Variants in PACRG observed in about 807,000 individuals in gnomAD.
The protein encoded by PACRG is parkin coregulated, also known as parkin coregulated gene protein.
In PACRG, 29 loss-of-function variants were observed where a neutral mutation model predicts 29.7. The observed-to-expected ratio is 0.98, with a 90% CI of 0.73 to 1.33. The LOEUF (loss-of-function observed/expected upper bound fraction) is 1.33, where lower values mean the gene tolerates loss of function less well. PACRG is among the 40% of genes most tolerant of loss of function. The pLI is 0.00. For missense variants in PACRG, 279 were observed against 316.2 expected (o/e 0.88, Z 0.89); for synonymous variants, 116 against 118.7 (o/e 0.98, Z 0.15).
intron 2 of PACRG, among the ~76,000 whole-genome samples, chr6:162,965,417 C>T (rs1470493301): frequency 6.6e-6 from 1 of 152,168 alleles, no homozygotes; most frequent in Non-Finnish European, 1.5e-5. Flanking sequence ...CGTTAAGGCA[C>T]TGTCAGATTC....
intron 1 of PACRG, among the ~76,000 whole-genome samples, chr6:162,807,416 G>T (rs1357484816): frequency 2.6e-5 from 4 of 152,104 alleles, no homozygotes; most frequent in African/African-American, 9.7e-5. Flanking sequence ...TGATTCAGAG[G>T]AAGAGATGTG....
intron 3 of PACRG, among the ~76,000 whole-genome samples, chr6:163,063,293 C>A (rs1354632301): frequency 6.6e-6 from 1 of 152,176 alleles, no homozygotes. Context: ...GCCCAACTGC[C>A]CATGGCTTCG....
intron 2 of PACRG, among the ~76,000 whole-genome samples, chr6:163,054,521 G>A (rs1308115675): frequency 6.6e-6 from 1 of 152,206 alleles, no homozygotes; most frequent in Admixed American, 6.5e-5. Context: ...CGTTCGAAGA[G>A]TCCCTAAGGA....
chr6:163,294,044 AC>A (rs869170332), intron 4 of PACRG, among the ~76,000 whole-genome samples: 5 of 152,120 alleles, frequency 3.3e-5, no homozygotes, highest in Admixed American at 2.6e-4. Context: ...TTATTTCTTT[AC>A]CCCCCAAAAA....
chr6:162,996,228 G>A (rs11963547), intron 2 of PACRG, among the ~76,000 whole-genome samples: 14,673 of 152,094 alleles, frequency 0.096, 2,017 homozygotes, highest in African/African-American at 0.3. Context: ...TCATTTCACA[G>A]TGTACACATA....
intron 4 of PACRG, among the ~76,000 whole-genome samples, chr6:163,126,223 AC>A (rs2128327191): frequency 6.6e-6 from 1 of 152,334 alleles, no homozygotes; most frequent in African/African-American, 2.4e-5. Context: ...TTTATAAGAT[AC>A]CAAAATACAA....
intron 4 of PACRG, among the ~76,000 whole-genome samples, chr6:163,161,195 C>T (rs1256894247): frequency 6.6e-6 from 1 of 152,012 alleles, no homozygotes; most frequent in Non-Finnish European, 1.5e-5. Context: ...CAAGGTCCTC[C>T]AGGATTTCAG....
chr6:163,100,196 A>G (rs971656025), intron 4 of PACRG, among the ~76,000 whole-genome samples: 1 of 152,008 alleles, frequency 6.6e-6, no homozygotes, highest in Middle Eastern at 3.4e-3. Context: ...TCCAGCCTCC[A>G]CGGCCCTGCA....
At position 163,172,076 on chromosome 6, in the gene PACRG, A is replaced by G. The variant is rs556276968; in HGVS notation, c.613+82668A>G. ...AATTACAGAACAGGCTTCCAAACAT[A>G]GAAATATCTTTCACTGTAATCCCAG... On this transcript the variant is annotated intron_variant, in intron 4 of 4. Coordinates refer to ENST00000366888, the MANE Select transcript of PACRG (RefSeq NM_001080379.2). Among the ~76,000 whole-genome samples the G allele has an allele frequency of 7.2e-5, 11 of 152,364 alleles. No homozygotes were observed. The South Asian group carries it at 2.3e-3, about 32-fold the overall frequency.
intron 2 of PACRG, among the ~76,000 whole-genome samples, chr6:162,877,755 C>G (rs1335337782): frequency 2.6e-5 from 4 of 152,056 alleles, no homozygotes; most frequent in African/African-American, 4.8e-5. Flanking sequence ...GTGCAACGTT[C>G]CTTGGTTCAG....
chr6:162,742,457 C>T lies in PACRG; in HGVS notation c.156+14066C>T, dbSNP rs146260586. 1.5e-4 allele frequency among the ~76,000 whole-genome samples: 23 copies of T among 152,290 alleles called. No homozygotes were observed. The East Asian group carries it at 4.1e-3, about 27-fold the overall frequency. ...TTTTTCTTTATAAATTACCCAGTCT[C>T]AGGTATGTCTTTATTACCAATAGGA... On this transcript the variant is annotated intron_variant, in intron 1 of 4. Coordinates refer to ENST00000366888, the MANE Select transcript of PACRG (RefSeq NM_001080379.2).
At chr6:163,208,066 C>G (rs1780981414) in intron 4 of PACRG, among the ~76,000 whole-genome samples, 1 of 152,200 alleles carries the variant, frequency 6.6e-6, no homozygotes, top group African/African-American at 2.4e-5. Flanking sequence ...TCACAGTTGT[C>G]TAACATATTG....
At chr6:162,947,341 TAATGATTA>T (rs1372814240) in intron 2 of PACRG, among the ~76,000 whole-genome samples, 15 of 61,500 alleles carry the variant, frequency 2.4e-4, no homozygotes, top group African/African-American at 6.9e-4. Flanking sequence ...ATCATATATA[TAATGATTA>T]CATATATATA....
chr6:163,181,262 G>T (rs1417422207), intron 4 of PACRG, among the ~76,000 whole-genome samples: 2 of 152,164 alleles, frequency 1.3e-5, no homozygotes, highest in Non-Finnish European at 2.9e-5. Context: ...AAGGGTTAAA[G>T]AATACGTGAT....
chr6:163,240,670 C>G (rs1237742021), intron 4 of PACRG, among the ~76,000 whole-genome samples: 1 of 152,164 alleles, frequency 6.6e-6, no homozygotes, highest in African/African-American at 2.4e-5. Flanking sequence ...GGCACATACG[C>G]GGTGGGGCCT....
chr6:163,252,976 A>C (rs987926472), intron 4 of PACRG, among the ~76,000 whole-genome samples: 1 of 152,226 alleles, frequency 6.6e-6, no homozygotes, highest in African/African-American at 2.4e-5. Flanking sequence ...GATGTCAAGA[A>C]CTACAAAGAA....
chr6:162,757,562 G>A (rs1408342978), intron 1 of PACRG, among the ~76,000 whole-genome samples: 1 of 152,062 alleles, frequency 6.6e-6, no homozygotes, highest in Non-Finnish European at 1.5e-5. Flanking sequence ...ACAAAAATTA[G>A]CCGGGCGTGT....
intron 2 of PACRG, among the ~76,000 whole-genome samples, chr6:162,893,120 C>T (rs1388136335): frequency 1.3e-5 from 2 of 151,942 alleles, no homozygotes; most frequent in East Asian, 3.9e-4. Context: ...GACCTTTTTC[C>T]TTTACTGTCA....
At chr6:162,735,644 A>G (rs1429834866) in intron 1 of PACRG, among the ~76,000 whole-genome samples, 1 of 152,076 alleles carries the variant, frequency 6.6e-6, no homozygotes, top group African/African-American at 2.4e-5. Flanking sequence ...AAATGATATG[A>G]GGCACTTGTC....
Sources: allele counts gnomAD v4.1 joint callset (sites outside exome capture counted in the v4.1 genomes callset), GRCh38; gene constraint gnomAD v4.1.1; transcripts MANE v1.5; gene names NCBI Gene and HGNC (gene_info 2026-07-23, HGNC 2026-07-21).